The following LRP1B variants were observed in gnomAD, a reference collection of about 807,000 sequenced individuals.
LRP1B encodes low-density lipoprotein receptor-related protein 1B.
Under a neutral mutation model 556.6 loss-of-function variants are expected in LRP1B, and 217 were observed. That is an observed-to-expected ratio of 0.39 (90% CI 0.35 to 0.44). LRP1B has a LOEUF of 0.44. LRP1B is among the 20% of genes least tolerant of loss of function. LRP1B has a pLI of 1.00. For synonymous variants in LRP1B, 2,047 were observed against 1,865.8 expected, an observed-to-expected ratio of 1.10 and a Z score of -2.50; for missense variants, 5,053 against 5,620.8, an observed-to-expected ratio of 0.90 and a Z score of 3.23.
chr2:140,731,187 C>A (rs547982686), intron 35 of LRP1B, among the ~76,000 whole-genome samples: 19 of 152,268 alleles, frequency 1.2e-4, no homozygotes, highest in African/African-American at 4.3e-4. Context: ...TCTTGTTATT[C>A]CCCTAATAAC....
intron 46 of LRP1B, 25 bp from the exon 47 acceptor site, chr2:140,534,165 C>T (rs770727587): frequency 1.3e-6 from 2 of 1,594,016 alleles, no homozygotes; most frequent in South Asian, 1.1e-5. Flanking sequence ...TAGAAACACA[C>T]AACCAGAGAT....
chr2:141,221,485 A>C (rs1683039777), intron 6 of LRP1B, among the ~76,000 whole-genome samples: 1 of 152,164 alleles, frequency 6.6e-6, no homozygotes, highest in Non-Finnish European at 1.5e-5. Flanking sequence ...CACTGTCAAT[A>C]TTATACAGAT....
intron 41 of LRP1B, among the ~76,000 whole-genome samples, chr2:140,696,351 G>A (rs1686429961): frequency 6.6e-6 from 1 of 152,050 alleles, no homozygotes; most frequent in South Asian, 2.1e-4. Context: ...GCAACTTCTT[G>A]GCAGGAGGTG....
intron 37 of LRP1B, among the ~76,000 whole-genome samples, chr2:140,714,340 G>T (rs1559071825): frequency 6.6e-6 from 1 of 152,072 alleles, no homozygotes; most frequent in Non-Finnish European, 1.5e-5. Context: ...AGATTCTTTT[G>T]CCTAATATTC....
intron 2 of LRP1B, among the ~76,000 whole-genome samples, chr2:141,485,148 G>C (rs1237402150): frequency 6.6e-6 from 1 of 152,114 alleles, no homozygotes; most frequent in Non-Finnish European, 1.5e-5. Context: ...AAATTAGTCT[G>C]GGAGAACTAA....
intron 1 of LRP1B, among the ~76,000 whole-genome samples, chr2:142,000,674 G>A (rs1476702763): frequency 1.3e-5 from 2 of 152,058 alleles, no homozygotes; most frequent in Non-Finnish European, 2.9e-5. Flanking sequence ...CAGTCATAAT[G>A]CTTACTTTTT....
Position 141,070,840 on chromosome 2 carries a change from C to A in LRP1B, c.1014-8567G>T, listed in dbSNP as rs566056254. Among the ~76,000 whole-genome samples, 474 of 152,024 alleles carry A rather than the reference C, an allele frequency of 3.1e-3. 3 individuals carry two copies. Among genetic ancestry groups the A allele is most frequent in the African/African-American group, 0.011 (453 of 41,436 alleles). On this transcript the variant is annotated intron_variant, in intron 7 of 90. Coordinates refer to ENST00000389484, the MANE Select transcript of LRP1B (RefSeq NM_018557.3). ...AATCTCTGAATAGACCAATAACAGG[C>A]TCTGAAATTGTGGCAATAATCAATA...
intron 1 of LRP1B, among the ~76,000 whole-genome samples, chr2:141,916,283 ACCAGAAGG>A (rs1356081059): frequency 1.3e-5 from 2 of 152,198 alleles, no homozygotes; most frequent in African/African-American, 4.8e-5. Flanking sequence ...CCATGGATGC[ACCAGAAGG>A]CCATTATCCT....
chr2:141,103,535 T>TCTCTCTCTCTCTCTCTCTCTC (rs1553460368), intron 7 of LRP1B, among the ~76,000 whole-genome samples: 4 of 151,876 alleles, frequency 2.6e-5, no homozygotes, highest in Non-Finnish European at 2.9e-5. Context: ...TCTCTCTCTC[T>TCTCTCTCTCTCTCTCTCTCTC]TAAAAAGTTC....
intron 2 of LRP1B, among the ~76,000 whole-genome samples, chr2:141,551,055 A>AT (rs1401414607): frequency 6.6e-6 from 1 of 152,072 alleles, no homozygotes; most frequent in Non-Finnish European, 1.5e-5. Context: ...TTTTTATATT[A>AT]TTTTAAAGCT....
chr2:141,862,602 T>A (rs1698283447), intron 1 of LRP1B, among the ~76,000 whole-genome samples: 1 of 152,050 alleles, frequency 6.6e-6, no homozygotes, highest in African/African-American at 2.4e-5. Flanking sequence ...AGAGACGGGG[T>A]TTCAACATAT....
intron 52 of LRP1B, among the ~76,000 whole-genome samples, 194 bp downstream of exon 52, chr2:140,509,734 A>G (rs1421977782): frequency 2.6e-5 from 4 of 152,204 alleles, no homozygotes; most frequent in Admixed American, 6.5e-5. Flanking sequence ...CATGTTTGAA[A>G]CATTGAACAG....
intron 2 of LRP1B, among the ~76,000 whole-genome samples, chr2:141,714,641 T>C (rs1219050542): frequency 6.6e-6 from 1 of 152,176 alleles, no homozygotes; most frequent in Admixed American, 6.5e-5. Flanking sequence ...GACAAGTTGC[T>C]GTAGGCAGAG....
intron 41 of LRP1B, among the ~76,000 whole-genome samples, chr2:140,699,135 A>G (rs1478967683): frequency 6.6e-6 from 1 of 152,084 alleles, no homozygotes. Flanking sequence ...TCCACCACAC[A>G]TACAGGCTTG....
chr2:141,654,871 G>A (rs1408343384), intron 2 of LRP1B, among the ~76,000 whole-genome samples: 3 of 152,094 alleles, frequency 2.0e-5, no homozygotes, highest in Non-Finnish European at 4.4e-5. Context: ...GTCTGCGAGC[G>A]ATATTTATGA....
Position 141,601,200 on chromosome 2 carries a change from CAG to C in LRP1B, c.206-120669_206-120668del, listed in dbSNP as rs1491225223. 5.4e-4 allele frequency among the ~76,000 whole-genome samples: 58 copies of C among 107,928 alleles called. 1 individual carries two copies. The highest frequency in any genetic ancestry group is 2.0e-3 in the African/African-American group (50 of 25,462). The allele number at this position is 107,928 out of a possible 152,430, so 70.8% of individuals were successfully genotyped here. On this transcript the variant is annotated intron_variant, in intron 2 of 90. Coordinates refer to ENST00000389484, the MANE Select transcript of LRP1B (RefSeq NM_018557.3). ...AAACATATAGTATCTGTCTGTCTGT[CAG>C]TATCTATCTATCTATCTATCTATCT...
At position 141,392,285 on chromosome 2, in the gene LRP1B, G is replaced by A. The variant is rs1690079030; in HGVS notation, c.343+88111C>T. Among the ~76,000 whole-genome samples the A allele has an allele frequency of 2.0e-5, 3 of 151,940 alleles. No individual in the cohort carries two copies. In the South Asian group the frequency reaches 6.2e-4, roughly 32 times the overall value. ...ATAAGTTATTTGTACCTTAAGGAGT[G>A]GGGCTGCATTTTAGTATATAAAAGT... On this transcript the variant is annotated intron_variant, in intron 3 of 90. Coordinates refer to ENST00000389484, the MANE Select transcript of LRP1B (RefSeq NM_018557.3).
At chr2:140,439,597 T>C (rs1422044656) in intron 66 of LRP1B, among the ~76,000 whole-genome samples, 1 of 152,122 alleles carries the variant, frequency 6.6e-6, no homozygotes, top group African/African-American at 2.4e-5. Flanking sequence ...GATTCATAAA[T>C]TTAGCCATCT....
rs201509946 is a variant in LRP1B at position 141,495,970 on chromosome 2, C to A, written c.206-15437G>T. Among the ~76,000 whole-genome samples the A allele has an allele frequency of 3.7e-4, 57 of 152,080 alleles. No individual in the cohort carries two copies. The East Asian group carries it at 9.7e-3, about 26-fold the overall frequency. On this transcript the variant is annotated intron_variant, in intron 2 of 90. Coordinates refer to ENST00000389484, the MANE Select transcript of LRP1B (RefSeq NM_018557.3). ...ACAGAAAGAGTAATCCAGGGAATTT[C>A]TTTAAGGATGCTTATTTATATGTAA...
Sources: allele counts gnomAD v4.1 joint callset (sites outside exome capture counted in the v4.1 genomes callset), GRCh38; gene constraint gnomAD v4.1.1; transcripts MANE v1.5; gene names NCBI Gene and HGNC (gene_info 2026-07-23, HGNC 2026-07-21).